KIAA1328: variants seen among roughly 807,000 people sequenced by gnomAD.
KIAA1328 encodes KIAA1328, also known as protein hinderin.
A neutral mutation model predicts 68.1 loss-of-function variants in KIAA1328; 52 were observed. The ratio of observed to expected loss-of-function variants is 0.76; its 90% confidence interval spans 0.61 to 0.96. The LOEUF (loss-of-function observed/expected upper bound fraction) is 0.96, where lower values mean the gene tolerates loss of function less well. KIAA1328 is among the 40% of genes least tolerant of loss of function. The probability of loss-of-function intolerance (pLI) is 0.00; values close to 1 mark genes in which losing one functional copy is unlikely to be tolerated. For synonymous variants in KIAA1328, 232 were observed against 239.4 expected (o/e 0.97, Z 0.28); for missense variants, 641 against 677.6 (o/e 0.95, Z 0.60).
chr18:37,225,058 G>C lies in KIAA1328; in HGVS notation c.*2831G>C. 1 of 985,448 alleles carries C rather than the reference G, an allele frequency of 1.0e-6. No homozygotes were observed. Among genetic ancestry groups the C allele is most frequent in the Non-Finnish European group, 1.2e-6 (1 of 829,942 alleles). 61.0% of individuals were successfully genotyped at this position (985,448 alleles called of 1,614,324 possible). A position where few individuals can be genotyped will look rare whatever the true frequency, so the allele number is the denominator to read the frequency against. The stretch of plus-strand genomic sequence containing the variant: ...TAGAGCACCCCAAATGTCATGGGGA[G>C]AGAGGGACTCTTTCTGCTCCCTCAG... On this transcript the variant is annotated 3_prime_UTR_variant, in exon 10 of 10. Transcript: ENST00000280020.
At chr18:36,997,073 G>A (rs1476644406) in intron 6 of KIAA1328, among the ~76,000 whole-genome samples, 3 of 151,846 alleles carry the variant, frequency 2.0e-5, no homozygotes, top group Admixed American at 6.6e-5. Context: ...TACTAGGTTT[G>A]CCTCTGTCTT....
chr18:37,200,704 G>A (rs566978310), intron 9 of KIAA1328, among the ~76,000 whole-genome samples: 11 of 151,718 alleles, frequency 7.3e-5, no homozygotes, highest in South Asian at 6.2e-4. Context: ...CCAGCTACTC[G>A]GGAGGCTGAG....
At chr18:37,105,916 CAAAAAAAAAAAAA>C (rs58940699) in intron 7 of KIAA1328, among the ~76,000 whole-genome samples, 1,283 of 19,524 alleles carry the variant, frequency 0.066, 43 homozygotes, top group African/African-American at 0.12. Context: ...GACTCTGTGT[CAAAAAAAAAAAAA>C]AAAAAAAAAA....
At chr18:37,024,627 GTTTGGT>G (rs2054492264) in intron 6 of KIAA1328, among the ~76,000 whole-genome samples, 1 of 151,200 alleles carries the variant, frequency 6.6e-6, no homozygotes. Context: ...AACATGCGGT[GTTTGGT>G]TTTCTGTCCT....
intron 7 of KIAA1328, among the ~76,000 whole-genome samples, chr18:37,140,676 T>C (rs2058747349): frequency 6.6e-6 from 1 of 152,194 alleles, no homozygotes; most frequent in South Asian, 2.1e-4. Flanking sequence ...GTAGCAAGCC[T>C]AAATGCTAGG....
At chr18:37,109,953 G>A (rs752300572) in intron 7 of KIAA1328, among the ~76,000 whole-genome samples, 6 of 151,804 alleles carry the variant, frequency 4.0e-5, no homozygotes, top group Non-Finnish European at 7.4e-5. Flanking sequence ...CTGAAACGGA[G>A]CTCTTGTCAC....
At chr18:37,070,320 A>G (rs535494335) in intron 7 of KIAA1328, among the ~76,000 whole-genome samples, 142 of 152,176 alleles carry the variant, frequency 9.3e-4, no homozygotes, top group Non-Finnish European at 1.3e-3. Context: ...TGTAAATTGT[A>G]TCCTATTATT....
At chr18:36,957,654 C>T (rs543512140) in intron 5 of KIAA1328, among the ~76,000 whole-genome samples, 3 of 152,054 alleles carry the variant, frequency 2.0e-5, no homozygotes, top group Non-Finnish European at 4.4e-5. Flanking sequence ...GAAATATTGA[C>T]TTAACTGAAA....
At chr18:36,845,908 TTTTGTAATTTC>T (rs1261878153) in intron 4 of KIAA1328, among the ~76,000 whole-genome samples, 1 of 151,710 alleles carries the variant, frequency 6.6e-6, no homozygotes. Flanking sequence ...GGTTTTCTTT[TTTTGTAATTTC>T]TTTATAGAAG....
At chr18:37,060,765 A>G (rs1255210583) in intron 6 of KIAA1328, among the ~76,000 whole-genome samples, 1 of 152,222 alleles carries the variant, frequency 6.6e-6, no homozygotes, top group Admixed American at 6.5e-5. Flanking sequence ...CTAACTAGAT[A>G]CAATTTTATA....
chr18:37,176,778 C>T (rs953563666), intron 9 of KIAA1328, among the ~76,000 whole-genome samples: 1 of 152,188 alleles, frequency 6.6e-6, no homozygotes, highest in African/African-American at 2.4e-5. Flanking sequence ...CTACTTGATC[C>T]TTTAGTCTCC....
chr18:37,102,275 G>A (rs912337506), intron 7 of KIAA1328, among the ~76,000 whole-genome samples: 5 of 152,150 alleles, frequency 3.3e-5, no homozygotes, highest in South Asian at 2.1e-4. Context: ...CCTGTCAGGC[G>A]TGATTCAGGG....
At chr18:36,836,639 A>G (rs1377635323) in intron 3 of KIAA1328, among the ~76,000 whole-genome samples, 1 of 152,142 alleles carries the variant, frequency 6.6e-6, no homozygotes, top group Non-Finnish European at 1.5e-5. Flanking sequence ...TATAATTTGC[A>G]TATAAAATTC....
At chr18:37,216,899 CTTTT>C (rs762745405) in intron 9 of KIAA1328, among the ~76,000 whole-genome samples, 7 of 90,356 alleles carry the variant, frequency 7.7e-5, no homozygotes, top group Non-Finnish European at 1.5e-4. Context: ...TTCTTTGTCT[CTTTT>C]TTTTTTTTTT....
At chr18:37,213,870 G>A (rs938875950) in intron 9 of KIAA1328, among the ~76,000 whole-genome samples, 10 of 152,162 alleles carry the variant, frequency 6.6e-5, no homozygotes, top group African/African-American at 2.4e-4. Flanking sequence ...ATCTCATTGT[G>A]ATTTTGATTT....
intron 4 of KIAA1328, among the ~76,000 whole-genome samples, chr18:36,875,741 G>A (rs1040019961): frequency 1.3e-5 from 2 of 152,158 alleles, no homozygotes; most frequent in Non-Finnish European, 2.9e-5. Flanking sequence ...TCCTTGTCTT[G>A]TGCAGGTTTT....
At chr18:37,070,651 AC>A (rs1416664664) in intron 7 of KIAA1328, among the ~76,000 whole-genome samples, 1 of 150,294 alleles carries the variant, frequency 6.7e-6, no homozygotes, top group African/African-American at 2.5e-5. Flanking sequence ...GCTCACTGCA[AC>A]CTCCGTCTCC....
intron 7 of KIAA1328, among the ~76,000 whole-genome samples, chr18:37,159,504 GA>G (rs2059229975): frequency 6.6e-6 from 1 of 152,170 alleles, no homozygotes; most frequent in African/African-American, 2.4e-5. Context: ...GAAGAGGGAA[GA>G]GTGGAATAGT....
intron 5 of KIAA1328, among the ~76,000 whole-genome samples, chr18:36,914,575 C>T (rs2049605467): frequency 1.3e-5 from 2 of 151,886 alleles, no homozygotes; most frequent in African/African-American, 4.8e-5. Flanking sequence ...CAAACATTAG[C>T]CAGGCGCAGT....
Sources: gnomAD v4.1 joint callset for allele counts (sites outside exome capture counted in the v4.1 genomes callset) on GRCh38, gnomAD v4.1.1 for gene constraint, MANE v1.5 for transcripts, NCBI Gene and HGNC (gene_info 2026-07-23, HGNC 2026-07-21) for gene names.